Variants in PPM1H observed in about 807,000 individuals in gnomAD.
PPM1H encodes the protein protein phosphatase, Mg2+/Mn2+ dependent 1H.
In PPM1H, 27 loss-of-function variants were observed where a neutral mutation model predicts 54.9. That is an observed-to-expected ratio of 0.49 (90% confidence interval 0.36 to 0.68). PPM1H has a LOEUF of 0.68. Ranked by LOEUF, PPM1H falls within the 30% of genes least tolerant of loss-of-function variation. PPM1H has a pLI of 0.00. For missense variants in PPM1H, 596 were observed against 667.8 expected (o/e 0.89, Z 1.19); for synonymous variants, 305 against 270.8 (o/e 1.13, Z -1.24).
At chr12:62,655,824 T>A (rs906465470) in intron 9 of PPM1H, among the ~76,000 whole-genome samples, 1 of 152,194 alleles carries the variant, frequency 6.6e-6, no homozygotes, top group Admixed American at 6.5e-5. Flanking sequence ...CCACTCCTAA[T>A]GAAGAGTCTC....
chr12:62,894,864 G>T (rs1401840371), intron 1 of PPM1H, among the ~76,000 whole-genome samples: 1 of 152,180 alleles, frequency 6.6e-6, no homozygotes, highest in Admixed American at 6.5e-5. Context: ...GGTTTGAAAG[G>T]TATTAAGCCC....
At chr12:62,682,479 GGGAGAAAATGGGGGAATCCCA>G (rs1177739952) in intron 8 of PPM1H, among the ~76,000 whole-genome samples, 2 of 152,142 alleles carry the variant, frequency 1.3e-5, no homozygotes, top group Non-Finnish European at 2.9e-5. Flanking sequence ...ATGTTTTCAT[GGGAGAAAATGGGGGAATCCCA>G]AAAAAAGTAG....
intron 4 of PPM1H, chr12:62,756,334 T>C: frequency 2.0e-6 from 1 of 489,426 alleles, no homozygotes; most frequent in Non-Finnish European, 3.8e-6. Flanking sequence ...ACACTGAGAA[T>C]CTCCCTTTCT....
chr12:62,706,021 T>A (rs1183615920), intron 6 of PPM1H, among the ~76,000 whole-genome samples: 1 of 152,228 alleles, frequency 6.6e-6, no homozygotes, highest in African/African-American at 2.4e-5. Context: ...GATATTCATA[T>A]CATGGAGCAG....
chr12:62,693,907 C>G (rs374117649), intron 7 of PPM1H, 29 bp downstream of exon 7: 1 of 1,599,290 alleles, frequency 6.3e-7, no homozygotes, highest in Non-Finnish European at 8.5e-7. Context: ...GCCCTGTCCT[C>G]TCTACCCAGG....
chr12:62,716,021 T>G (rs1027320334), intron 6 of PPM1H, among the ~76,000 whole-genome samples: 4 of 152,310 alleles, frequency 2.6e-5, no homozygotes, highest in South Asian at 2.1e-4. Context: ...AAAAGCTGAC[T>G]GGCACACTGT....
intron 1 of PPM1H, among the ~76,000 whole-genome samples, chr12:62,872,860 G>C (rs1214542871): frequency 1.3e-5 from 2 of 152,144 alleles, no homozygotes; most frequent in East Asian, 3.9e-4. Context: ...AGGCACATTA[G>C]ACAGTTAAAT....
At chr12:62,818,396 A>G (rs1453094236) in intron 2 of PPM1H, among the ~76,000 whole-genome samples, 1 of 152,084 alleles carries the variant, frequency 6.6e-6, no homozygotes, top group East Asian at 1.9e-4. Flanking sequence ...AGGAAAGAAG[A>G]GCTAGCAATG....
At position 62,712,123 on chromosome 12, in the gene PPM1H, G is replaced by C. The variant is rs181589624; in HGVS notation, c.1073+8048C>G. On this transcript the variant is annotated intron_variant, in intron 6 of 9. Transcript: ENST00000228705. ...CCCGGGAGAGGCCCCTCCCCATGTG[G>C]GGCTGACCCATTCTGAGTTGGACTC... Among the ~76,000 whole-genome samples the C allele has an allele frequency of 3.9e-4, 60 of 152,318 alleles. 1 individual carries two copies. The highest frequency in any genetic ancestry group is 3.5e-3 in the East Asian group (18 of 5,176).
At chr12:62,841,151 G>T (rs533003308) in intron 1 of PPM1H, among the ~76,000 whole-genome samples, 1 of 152,248 alleles carries the variant, frequency 6.6e-6, no homozygotes, top group African/African-American at 2.4e-5. Context: ...GTGGTGGGGA[G>T]TTCTGAGGGG....
intron 1 of PPM1H, among the ~76,000 whole-genome samples, chr12:62,834,887 T>C (rs930621104): frequency 6.6e-6 from 1 of 152,278 alleles, no homozygotes; most frequent in Non-Finnish European, 1.5e-5. Flanking sequence ...GATTTTTTAC[T>C]GGGTGATGTT....
At chr12:62,691,810 CAA>C (rs34984420) in intron 7 of PPM1H, among the ~76,000 whole-genome samples, 19 of 127,746 alleles carry the variant, frequency 1.5e-4, no homozygotes, top group East Asian at 2.2e-4. Context: ...TGCCATGTCT[CAA>C]AAAAAAAAAA....
chr12:62,870,407 G>A (rs565116002), intron 1 of PPM1H, among the ~76,000 whole-genome samples: 1 of 152,300 alleles, frequency 6.6e-6, no homozygotes, highest in African/African-American at 2.4e-5. Context: ...AGAGAGATGA[G>A]AGGCTGACTG....
chr12:62,689,625 G>T, intron 8 of PPM1H, 74 bp downstream of exon 8: 1 of 1,069,852 alleles, frequency 9.3e-7, no homozygotes, highest in Non-Finnish European at 1.4e-6. Flanking sequence ...CTGGATATGG[G>T]GTGTGAGTCA....
chr12:62,867,329 A>C (rs1433331715), intron 1 of PPM1H, among the ~76,000 whole-genome samples: 1 of 152,062 alleles, frequency 6.6e-6, no homozygotes, highest in Non-Finnish European at 1.5e-5. Flanking sequence ...AGTGCTGAAA[A>C]TTCTATTTTA....
In PPM1H at chr12:62,820,548, A is replaced by C. The variant is rs570786849; in HGVS notation, c.411+11566T>G. ...TGCCCCTCTGAGACAAAGCTTCCAG[A>C]GGAACGATCAGGCAGCAACATTTGC... On this transcript the variant is annotated intron_variant, in intron 2 of 9. Coordinates refer to ENST00000228705, the MANE Select transcript of PPM1H (RefSeq NM_020700.2). Among the ~76,000 whole-genome samples the C allele has an allele frequency of 2.0e-5, 3 of 152,304 alleles. No homozygotes were observed. In the South Asian group the frequency reaches 6.2e-4, roughly 32 times the overall value.
intron 4 of PPM1H, among the ~76,000 whole-genome samples, chr12:62,777,742 T>A (rs1032069933): frequency 6.6e-6 from 1 of 152,214 alleles, no homozygotes; most frequent in Non-Finnish European, 1.5e-5. Flanking sequence ...TAAAAATCTT[T>A]ACAACATAAC....
intron 6 of PPM1H, among the ~76,000 whole-genome samples, chr12:62,695,837 G>A (rs1322926547): frequency 6.6e-6 from 1 of 152,094 alleles, no homozygotes. Context: ...GGAGGAAAAT[G>A]GCCTGAGAAA....
intron 4 of PPM1H, among the ~76,000 whole-genome samples, chr12:62,759,804 C>T (rs560559858): frequency 7.9e-5 from 12 of 151,680 alleles, no homozygotes; most frequent in African/African-American, 2.9e-4. Flanking sequence ...TTTCCACTTT[C>T]CTGGGGGGCA....
Sources: allele counts gnomAD v4.1 joint callset (sites outside exome capture counted in the v4.1 genomes callset), GRCh38; gene constraint gnomAD v4.1.1; transcripts MANE v1.5; gene names NCBI Gene and HGNC (gene_info 2026-07-23, HGNC 2026-07-21).